PRRC2C: variants seen among roughly 807,000 people sequenced by gnomAD.
PRRC2C encodes protein PRRC2C.
A neutral mutation model predicts 317.2 loss-of-function variants in PRRC2C; 72 were observed. The observed-to-expected ratio is 0.23, with a 90% CI of 0.19 to 0.28. The LOEUF is 0.28. PRRC2C is among the 10% of genes least tolerant of loss of function. The pLI is 1.00. For synonymous variants in PRRC2C, 1,296 were observed against 1,205.9 expected, an observed-to-expected ratio of 1.07 and a Z score of -1.55; for missense variants, 3,074 against 3,459.7, an observed-to-expected ratio of 0.89 and a Z score of 2.80.
intron 3 of PRRC2C, among the ~76,000 whole-genome samples, chr1:171,513,661 A>G (rs58080610): frequency 2.6e-5 from 4 of 152,228 alleles, no homozygotes; most frequent in East Asian, 1.9e-4. Flanking sequence ...TTCAACAACT[A>G]TTTAGACTTC....
chr1:171,527,822 C>A lies in PRRC2C; in HGVS notation c.1232C>A (p.Pro411His). The A allele has an allele frequency of 1.3e-6, 2 of 1,583,782 alleles. No homozygotes were observed. The highest frequency in any genetic ancestry group is 1.8e-5 in the Admixed American group (1 of 56,582). Residue 411 changes from proline to histidine, a missense_variant, in exon 11 of 35, where the codon CCT becomes CAT. Around this residue, in one of 11 missense-constraint regions of PRRC2C, gnomAD observed 1,320 missense variants for 1,395.7 expected, o/e 0.95. Transcript: ENST00000647382. ...ERGTSSHLPPPPKLLAQQHPP... is the reference protein window; with the variant it reads ...ERGTSSHLPPHPKLLAQQHPP... ...GGAACATCTTCACATCTGCCACCAC[C>A]TCCAAAGTTGCTTGCACAGCAGGTA...
intron 25 of PRRC2C, among the ~76,000 whole-genome samples, chr1:171,576,278 C>A (rs1439249323): frequency 6.6e-6 from 1 of 152,082 alleles, no homozygotes; most frequent in Non-Finnish European, 1.5e-5. Flanking sequence ...GTTCCTAGTT[C>A]TTTCTTTGGA....
chr1:171,589,463 C>G lies in PRRC2C; in HGVS notation c.8294C>G (p.Ala2765Gly). ...APVQRPPMAL[A>G]SQMPPPLTTG... ...GTTCAGAGGCCACCAATGGCACTGG[C>G]CAGTCAGATGCCTCCTCCGCTGACC... Residue 2765 changes from alanine (A) to glycine (G), a missense_variant, in exon 34 of 35, where the codon GCC (alanine) becomes GGC (glycine). This residue lies in a region of PRRC2C where 490 missense variants were observed against 663.1 expected (regional missense o/e 0.74). Transcript: ENST00000647382. 1 of 1,289,812 alleles carries G rather than the reference C, an allele frequency of 7.8e-7. No homozygotes were observed. Among genetic ancestry groups the G allele is most frequent in the Non-Finnish European group, 1.0e-6 (1 of 988,840 alleles). 79.9% of individuals were successfully genotyped at this position (1,289,812 alleles called of 1,614,324 possible). A position where few individuals can be genotyped will look rare whatever the true frequency, so the allele number is the denominator to read the frequency against.
At chr1:171,534,354 T>C (rs924003757) in intron 12 of PRRC2C, among the ~76,000 whole-genome samples, 1 of 152,208 alleles carries the variant, frequency 6.6e-6, no homozygotes, top group African/African-American at 2.4e-5. Context: ...AGGAAAACAT[T>C]ATCATAGTTT....
chr1:171,511,080 A>C (rs1671286222), intron 1 of PRRC2C: 2 of 152,152 alleles, frequency 1.3e-5, no homozygotes. Context: ...TTTGCTTGGT[A>C]TACCTATTCT....
At chr1:171,577,986 G>A (rs1210382348) in intron 26 of PRRC2C, among the ~76,000 whole-genome samples, 5 of 145,042 alleles carry the variant, frequency 3.4e-5, no homozygotes, top group African/African-American at 1.3e-4. Context: ...TGGTAGAGAC[G>A]GGTTTTACCG....
rs191339878 is a variant in PRRC2C at position 171,503,397 on chromosome 1, G to C, written c.-57-8635G>C. 1.5e-3 allele frequency among the ~76,000 whole-genome samples: 230 copies of C among 152,118 alleles called. 2 individuals are homozygous for C. The highest frequency in any genetic ancestry group is 9.6e-4 in the Non-Finnish European group (65 of 67,984). On this transcript the variant is annotated intron_variant, in intron 1 of 34. Coordinates refer to ENST00000647382, the MANE Select transcript of PRRC2C (RefSeq NM_001387844.1). ...AAATTAGCTGGGCGTGGTGGCACGT[G>C]CCTGTAGTCCCAGCTACTTGGGAGG...
At chr1:171,537,131 T>C in intron 14 of PRRC2C, 132 bp from the exon 15 acceptor site, 1 of 671,526 alleles carries the variant, frequency 1.5e-6, no homozygotes, top group African/African-American at 1.8e-5. Flanking sequence ...AATCTTTTAC[T>C]CAGGAAAAAA....
At chr1:171,517,093 T>C (rs1234622707) in intron 5 of PRRC2C, among the ~76,000 whole-genome samples, 1 of 152,224 alleles carries the variant, frequency 6.6e-6, no homozygotes, top group Non-Finnish European at 1.5e-5. Flanking sequence ...ACCACCTAGC[T>C]GTTTTATTTG....
At chr1:171,508,316 T>C (rs1162022176) in intron 1 of PRRC2C, among the ~76,000 whole-genome samples, 4 of 152,228 alleles carry the variant, frequency 2.6e-5, no homozygotes, top group African/African-American at 9.6e-5. Context: ...GGAATTTTCC[T>C]CTGTACCTGT....
intron 24 of PRRC2C, among the ~76,000 whole-genome samples, chr1:171,573,196 A>T (rs904491613): frequency 5.9e-5 from 9 of 152,322 alleles, no homozygotes; most frequent in Admixed American, 3.9e-4. Flanking sequence ...TTGACAAAAT[A>T]TGAAAAAAAT....
At chr1:171,548,936 C>A (rs1679674339) in intron 17 of PRRC2C, among the ~76,000 whole-genome samples, 1 of 152,090 alleles carries the variant, frequency 6.6e-6, no homozygotes, top group African/African-American at 2.4e-5. Flanking sequence ...ATTGCAGTCT[C>A]AACCTCCCCA....
At chr1:171,551,224 A>G (rs1020450499) in intron 18 of PRRC2C, among the ~76,000 whole-genome samples, 1 of 152,178 alleles carries the variant, frequency 6.6e-6, no homozygotes, top group African/African-American at 2.4e-5. Flanking sequence ...AGTGATGATG[A>G]TCATTTTTTC....
chr1:171,588,557 A>G lies in PRRC2C; in HGVS notation c.8199+52A>G, dbSNP rs1362143505. 5 of 1,546,796 alleles carry G rather than the reference A, an allele frequency of 3.2e-6. No individual in the cohort carries two copies. In the East Asian group the frequency reaches 9.4e-5, roughly 29 times the overall value. ...TATTATTTACTTAAAAATAGTTGCTAATCTGATAAATTATTATCTTGCCTT... is the reference window on the plus strand; with the variant it reads ...TATTATTTACTTAAAAATAGTTGCTGATCTGATAAATTATTATCTTGCCTT... On this transcript the variant is annotated intron_variant, in intron 33 of 34. Coordinates refer to ENST00000647382, the MANE Select transcript of PRRC2C (RefSeq NM_001387844.1).
At chr1:171,504,845 G>A (rs895021593) in intron 1 of PRRC2C, among the ~76,000 whole-genome samples, 1 of 151,926 alleles carries the variant, frequency 6.6e-6, no homozygotes, top group Non-Finnish European at 1.5e-5. Flanking sequence ...GTTTTGTTGG[G>A]GATTGCTTTG....
chr1:171,588,253 AATC>A lies in PRRC2C; in HGVS notation c.8073-120_8073-118del, dbSNP rs1174980445. The stretch of plus-strand genomic sequence containing the variant: ...CTCTCTTCTACCAGAATGTTTTGGT[AATC>A]ATCATAGTAAATTTTTACCAACTAC... On this transcript the variant is annotated intron_variant, in intron 32 of 34. Transcript: ENST00000647382. The A allele has an allele frequency of 5.7e-5, 60 of 1,050,440 alleles. No homozygotes were observed. The South Asian group carries it at 7.6e-4, about 13-fold the overall frequency. The allele number at this position is 1,050,440 out of a possible 1,614,324, so 65.1% of individuals were successfully genotyped here. A position where few individuals can be genotyped will look rare whatever the true frequency, so the allele number is the denominator to read the frequency against.
chr1:171,532,842 A>C lies in PRRC2C; in HGVS notation c.1754A>C (p.Gln585Pro). Residue 585 changes from glutamine (Q) to proline (P), a missense_variant, in exon 12 of 35, where the codon CAA (glutamine) becomes CCA (proline). Gln to Pro is a moderately conservative substitution (Grantham distance 76). This residue lies in a region of PRRC2C where 1,320 missense variants were observed against 1,395.7 expected (regional missense o/e 0.95). Coordinates refer to ENST00000647382, the MANE Select transcript of PRRC2C (RefSeq NM_001387844.1). ...KEKELQKMKE[Q>P]EKECELEKER... ...AAAGAACTACAAAAGATGAAAGAACAAGAAAAGGAATGTGAGCTGGAGAAG... is the reference window on the plus strand; with the variant it reads ...AAAGAACTACAAAAGATGAAAGAACCAGAAAAGGAATGTGAGCTGGAGAAG... 1 of 1,601,282 alleles carries C rather than the reference A, an allele frequency of 6.2e-7. No individual in the cohort carries two copies. The highest frequency in any genetic ancestry group is 2.2e-5 in the East Asian group (1 of 44,748).
Position 171,540,666 on chromosome 1 carries a change from C to T in PRRC2C, c.3200C>T (p.Pro1067Leu), listed in dbSNP as rs752985376. 1.9e-6 allele frequency: 3 copies of T among 1,613,918 alleles called. No homozygotes were observed. Among genetic ancestry groups the T allele is most frequent in the Non-Finnish European group, 2.5e-6 (3 of 1,179,872 alleles). The stretch of plus-strand genomic sequence containing the variant: ...GATCTTCCTCCTCCCCCACCACCAC[C>T]TCAGCCACCAGCACCAATTCAGCCA... ...KKDLPPPPPPPQPPAPIQPQS... is the reference protein window; with the variant it reads ...KKDLPPPPPPLQPPAPIQPQS... Residue 1067 changes from proline (P) to leucine (L), a missense_variant, in exon 16 of 35, where the codon CCT becomes CTT. Physicochemically the swap from Pro to Leu is moderately conservative, Grantham distance 98. Around this residue, in one of 11 missense-constraint regions of PRRC2C, gnomAD observed 1,320 missense variants for 1,395.7 expected, o/e 0.95. Coordinates refer to ENST00000647382, the MANE Select transcript of PRRC2C (RefSeq NM_001387844.1).
chr1:171,517,602 T>G lies in PRRC2C; in HGVS notation c.538T>G (p.Trp180Gly). The G allele has an allele frequency of 6.2e-7, 1 of 1,611,996 alleles. No individual in the cohort carries two copies. The highest frequency in any genetic ancestry group is 1.1e-5 in the South Asian group (1 of 90,916). The change falls in exon 6 of 35, where the codon TGG becomes GGG. Residue 180 changes from tryptophan (W) to glycine (G), a missense_variant. Coordinates refer to ENST00000647382, the MANE Select transcript of PRRC2C (RefSeq NM_001387844.1). ...TGCCTTCATACTAGATGTTGCTTGT[T>G]GGAGAGATGGTGGTAAGGCTGCTGG... is the stretch of plus-strand genomic sequence containing the variant. ...PSLRPPNVAC[W>G]RDGGKAAGSP...
Sources: allele counts gnomAD v4.1 joint callset (sites outside exome capture counted in the v4.1 genomes callset), GRCh38; gene constraint gnomAD v4.1.1; regional missense constraint gnomAD v4.1.1; transcripts MANE v1.5; gene names NCBI Gene and HGNC (gene_info 2026-07-23, HGNC 2026-07-21).